Variants in DCUN1D4 observed in about 807,000 individuals in gnomAD.
DCUN1D4 encodes the protein defective in cullin neddylation 1 domain containing 4.
In DCUN1D4, 22 loss-of-function variants were observed where a neutral mutation model predicts 47.9. The observed-to-expected ratio is 0.46, with a 90% CI of 0.33 to 0.66. The LOEUF is 0.66. Ranked by LOEUF, DCUN1D4 falls within the 30% of genes least tolerant of loss-of-function variation. The probability of loss-of-function intolerance (pLI) is 0.02; values close to 1 mark genes in which losing one functional copy is unlikely to be tolerated. For missense variants in DCUN1D4, 301 were observed against 340.8 expected, an observed-to-expected ratio of 0.88 and a Z score of 0.92; for synonymous variants, 121 against 112.2, an observed-to-expected ratio of 1.08 and a Z score of -0.50.
At chr4:51,888,574 C>T (rs1432327796) in intron 6 of DCUN1D4, among the ~76,000 whole-genome samples, 1 of 151,474 alleles carries the variant, frequency 6.6e-6, no homozygotes, top group Non-Finnish European at 1.5e-5. Flanking sequence ...AACCCCGTCT[C>T]TATTAAAAAT....
At chr4:51,907,010 A>C (rs1333871730) in intron 8 of DCUN1D4, among the ~76,000 whole-genome samples, 1 of 152,222 alleles carries the variant, frequency 6.6e-6, no homozygotes, top group East Asian at 1.9e-4. Flanking sequence ...AGTGTAAGGC[A>C]CTTAGAACAG....
chr4:51,913,208 A>G, intron 9 of DCUN1D4, 82 bp from the exon 10 acceptor site: 1 of 839,478 alleles, frequency 1.2e-6, no homozygotes, highest in Non-Finnish European at 1.9e-6. Context: ...GAACTTAATT[A>G]AGTTGATTCA....
chr4:51,858,801 A>C (rs1281572611), intron 1 of DCUN1D4, among the ~76,000 whole-genome samples: 1 of 152,242 alleles, frequency 6.6e-6, no homozygotes, highest in Non-Finnish European at 1.5e-5. Flanking sequence ...TTTTATAAAT[A>C]AAGCTTTATT....
rs1721871169 is a variant in DCUN1D4, at chr4:51,843,218, C to CGAGCCG, written c.-23_-18dup. 1 of 1,538,850 alleles carries CGAGCCG rather than the reference C, an allele frequency of 6.5e-7. No homozygotes were observed. Among genetic ancestry groups the CGAGCCG allele is most frequent in the Non-Finnish European group, 8.8e-7 (1 of 1,142,628 alleles). On this transcript the variant is annotated 5_prime_UTR_variant, in exon 1 of 11. Coordinates refer to ENST00000334635, the MANE Select transcript of DCUN1D4 (RefSeq NM_001040402.3). ...GAGGCGAGCGCGGGAGCCTGGGCGG[C>CGAGCCG]GAGCCGGGTGTGAGCTGCCTGAAAA...
At chr4:51,862,805 T>C (rs1334619659) in intron 1 of DCUN1D4, among the ~76,000 whole-genome samples, 2 of 151,422 alleles carry the variant, frequency 1.3e-5, no homozygotes, top group Non-Finnish European at 2.9e-5. Flanking sequence ...ACCCAGGAGT[T>C]CAAGACCAGC....
chr4:51,909,291 G>T, intron 8 of DCUN1D4: 1 of 263,348 alleles, frequency 3.8e-6, no homozygotes, highest in Non-Finnish European at 7.6e-6. Context: ...CTTCCAGAGC[G>T]CCAGTGTTGT....
intron 7 of DCUN1D4, 31 bp downstream of exon 7, chr4:51,891,882 C>T: frequency 6.5e-7 from 1 of 1,537,814 alleles, no homozygotes; most frequent in Non-Finnish European, 8.9e-7. Context: ...GTGGGGGTCC[C>T]TGCCCTTCCC....
chr4:51,843,313 C>A (rs542768609), intron 1 of DCUN1D4, 46 bp downstream of exon 1: 2 of 1,499,664 alleles, frequency 1.3e-6, no homozygotes, highest in South Asian at 1.3e-5. Flanking sequence ...GGGCGGCTGC[C>A]AAACTCGCCA....
the DCUN1D4 span, among the ~76,000 whole-genome samples, chr4:51,834,421 G>T: frequency 6.6e-6 from 1 of 151,954 alleles, no homozygotes; most frequent in East Asian, 2.0e-4. Flanking sequence ...AGGGAAGAAA[G>T]AAGCATCTCC....
intron 4 of DCUN1D4, among the ~76,000 whole-genome samples, chr4:51,875,557 G>C (rs1298677829): frequency 6.6e-6 from 1 of 152,144 alleles, no homozygotes; most frequent in Non-Finnish European, 1.5e-5. Context: ...ACAGTTTAGT[G>C]ATTTTTATTA....
chr4:51,880,229 T>C (rs1728358485), intron 5 of DCUN1D4, among the ~76,000 whole-genome samples: 1 of 152,190 alleles, frequency 6.6e-6, no homozygotes. Context: ...CCAGTGTGAC[T>C]AACAGGTTGT....
At chr4:51,911,352 G>C (rs1052886587) in intron 9 of DCUN1D4, among the ~76,000 whole-genome samples, 178 bp downstream of exon 9, 1 of 152,154 alleles carries the variant, frequency 6.6e-6, no homozygotes, top group Non-Finnish European at 1.5e-5. Context: ...ATCTGTGTAT[G>C]CGTTTAATGT....
At chr4:51,913,488 A>T in intron 10 of DCUN1D4, 41 bp from the exon 11 acceptor site, 1 of 1,481,760 alleles carries the variant, frequency 6.7e-7, no homozygotes, top group Non-Finnish European at 9.3e-7. Context: ...TATTATTGTT[A>T]TTATTATTAT....
chr4:51,909,594 A>G (rs961858548), intron 8 of DCUN1D4: 1 of 153,286 alleles, frequency 6.5e-6, no homozygotes, highest in African/African-American at 2.4e-5. Flanking sequence ...CTCCATTGGG[A>G]GTGCGTACTG....
intron 4 of DCUN1D4, among the ~76,000 whole-genome samples, chr4:51,876,753 C>G (rs189017119): frequency 7.2e-5 from 11 of 151,992 alleles, no homozygotes; most frequent in Non-Finnish European, 1.6e-4. Flanking sequence ...GACTGGGGGA[C>G]TTGAGTATGT....
At chr4:51,843,148 T>G, upstream of DCUN1D4, 2 of 1,508,618 alleles carry the variant, frequency 1.3e-6, no homozygotes, top group African/African-American at 1.4e-5. Flanking sequence ...CGGCGGCGGG[T>G]CCTCAGCTTC....
At chr4:51,869,359 A>G (rs1726514085) in intron 3 of DCUN1D4, among the ~76,000 whole-genome samples, 1 of 152,144 alleles carries the variant, frequency 6.6e-6, no homozygotes, top group Non-Finnish European at 1.5e-5. Context: ...TCTTTGTGAC[A>G]ATGTTCAATG....
At chr4:51,844,801 C>G (rs926839164) in intron 1 of DCUN1D4, 27 of 982,948 alleles carry the variant, frequency 2.7e-5, no homozygotes, top group African/African-American at 8.8e-5. Flanking sequence ...GCGGCCGCGC[C>G]CGGCCGCGGT....
chr4:51,854,074 A>G (rs1432388280), intron 1 of DCUN1D4, among the ~76,000 whole-genome samples: 1 of 152,214 alleles, frequency 6.6e-6, no homozygotes, highest in Non-Finnish European at 1.5e-5. Flanking sequence ...CCATAAACCT[A>G]GGTTTTGGTT....
Sources: gnomAD v4.1 joint callset for allele counts (sites outside exome capture counted in the v4.1 genomes callset) on GRCh38, gnomAD v4.1.1 for gene constraint, MANE v1.5 for transcripts, NCBI Gene and HGNC (gene_info 2026-07-23, HGNC 2026-07-21) for gene names.